ANO10: variants seen among roughly 807,000 people sequenced by gnomAD.
ANO10 encodes the protein anoctamin 10.
ANO10 carries 77 observed loss-of-function variants against 74.7 expected under a neutral mutation model. The ratio of observed to expected loss-of-function variants is 1.03; its 90% CI spans 0.86 to 1.25. The LOEUF (loss-of-function observed/expected upper bound fraction) is 1.25, where lower values mean the gene tolerates loss of function less well. Ranked by LOEUF, ANO10 falls within the 50% of genes most tolerant of loss-of-function variation. The pLI is 0.00. For missense variants in ANO10, 721 were observed against 778.1 expected (o/e 0.93, Z 0.87); for synonymous variants, 279 against 284.9 (o/e 0.98, Z 0.21).
At chr3:43,466,981 C>T (rs2075653678) in intron 11 of ANO10, among the ~76,000 whole-genome samples, 1 of 152,076 alleles carries the variant, frequency 6.6e-6, no homozygotes, top group Admixed American at 6.5e-5. Flanking sequence ...TGCTAATAAA[C>T]ACATGAAGAG....
chr3:43,588,317 A>C (rs892522788), intron 4 of ANO10, among the ~76,000 whole-genome samples: 1 of 152,136 alleles, frequency 6.6e-6, no homozygotes, highest in African/African-American at 2.4e-5. Flanking sequence ...GAAATTAAGT[A>C]ATAGCCTATA....
At chr3:43,531,569 C>A (rs545418156) in intron 11 of ANO10, among the ~76,000 whole-genome samples, 1 of 152,194 alleles carries the variant, frequency 6.6e-6, no homozygotes, top group East Asian at 1.9e-4. Flanking sequence ...AATGTGTGAT[C>A]TGACGATTTG....
At chr3:43,538,097 T>C (rs1251630065) in intron 11 of ANO10, among the ~76,000 whole-genome samples, 1 of 152,204 alleles carries the variant, frequency 6.6e-6, no homozygotes, top group Non-Finnish European at 1.5e-5. Flanking sequence ...ATGTCTATGA[T>C]ACTAAAAAAT....
chr3:43,452,855 C>T (rs1445999169), intron 11 of ANO10, among the ~76,000 whole-genome samples: 2 of 152,116 alleles, frequency 1.3e-5, no homozygotes, highest in East Asian at 1.9e-4. Context: ...TTATTATTTG[C>T]CTTTTTGTTT....
At chr3:43,588,825 T>C (rs1351336117) in intron 4 of ANO10, among the ~76,000 whole-genome samples, 1 of 152,170 alleles carries the variant, frequency 6.6e-6, no homozygotes, top group Admixed American at 6.5e-5. Context: ...CCAAGATCTT[T>C]ATGCAGCCAA....
intron 7 of ANO10, among the ~76,000 whole-genome samples, chr3:43,570,271 C>T (rs1394843970): frequency 1.4e-5 from 2 of 146,844 alleles, no homozygotes; most frequent in Non-Finnish European, 3.0e-5. Flanking sequence ...AGGTAATTTA[C>T]AGATTCAATG....
chr3:43,420,410 G>C (rs1421883899), intron 12 of ANO10, among the ~76,000 whole-genome samples: 1 of 152,034 alleles, frequency 6.6e-6, no homozygotes, highest in Non-Finnish European at 1.5e-5. Context: ...CTGTGAACAT[G>C]CTACTGTACT....
intron 1 of ANO10, among the ~76,000 whole-genome samples, chr3:43,677,436 G>C (rs1284931966): frequency 6.6e-6 from 1 of 152,182 alleles, no homozygotes. Flanking sequence ...TTTAGTAGAT[G>C]AAATAGTGGC....
chr3:43,550,990 C>T (rs1209508719), intron 10 of ANO10, among the ~76,000 whole-genome samples: 1 of 152,184 alleles, frequency 6.6e-6, no homozygotes, highest in Non-Finnish European at 1.5e-5. Context: ...TGTCAGGCCC[C>T]TTGCTTTAGT....
chr3:43,530,198 G>A (rs1386559676), intron 11 of ANO10, among the ~76,000 whole-genome samples: 2 of 151,990 alleles, frequency 1.3e-5, no homozygotes, highest in Non-Finnish European at 2.9e-5. Flanking sequence ...AAATGAAAAT[G>A]TAGCAGTTAT....
At chr3:43,635,892 T>C (rs758250142) in intron 1 of ANO10, among the ~76,000 whole-genome samples, 2 of 152,128 alleles carry the variant, frequency 1.3e-5, no homozygotes, top group Non-Finnish European at 2.9e-5. Flanking sequence ...AGTGCTGGGA[T>C]TACAGGCGTA....
At chr3:43,673,790 A>C (rs923285332) in intron 1 of ANO10, among the ~76,000 whole-genome samples, 2 of 152,092 alleles carry the variant, frequency 1.3e-5, no homozygotes, top group Non-Finnish European at 2.9e-5. Flanking sequence ...AATCATCGCG[A>C]CTTTAAATTT....
intron 4 of ANO10, among the ~76,000 whole-genome samples, chr3:43,591,635 G>A (rs990538377): frequency 1.2e-4 from 19 of 152,288 alleles, no homozygotes; most frequent in African/African-American, 3.4e-4. Context: ...CAAGATGGCC[G>A]AATAGGAAAA....
At chr3:43,594,674 T>C (rs7642287) in intron 4 of ANO10, among the ~76,000 whole-genome samples, 13,987 of 152,106 alleles carry the variant, frequency 0.092, 1,003 homozygotes, top group African/African-American at 0.2. Context: ...AGATCTAAAA[T>C]TGACACCCTA....
At chr3:43,645,197 C>T (rs1229496313) in intron 1 of ANO10, among the ~76,000 whole-genome samples, 3 of 152,116 alleles carry the variant, frequency 2.0e-5, no homozygotes, top group African/African-American at 4.8e-5. Context: ...TTGTGGTTGG[C>T]TTCAGAAAGC....
intron 4 of ANO10, among the ~76,000 whole-genome samples, chr3:43,595,670 A>G (rs1240495086): frequency 6.6e-6 from 1 of 152,204 alleles, no homozygotes; most frequent in Non-Finnish European, 1.5e-5. Context: ...GAATGGGCAA[A>G]AACTGTAAGT....
intron 4 of ANO10, among the ~76,000 whole-genome samples, chr3:43,594,468 T>C (rs1179236350): frequency 1.3e-5 from 2 of 152,128 alleles, no homozygotes; most frequent in African/African-American, 4.8e-5. Context: ...CACTCAGAAC[T>C]GCTCAGCTAC....
At chr3:43,612,598 T>C (rs2082883725) in intron 1 of ANO10, among the ~76,000 whole-genome samples, 1 of 152,188 alleles carries the variant, frequency 6.6e-6, no homozygotes, top group Non-Finnish European at 1.5e-5. Flanking sequence ...CAGGGCAATT[T>C]TCAGACTTTG....
chr3:43,638,342 G>C (rs1314756950), intron 1 of ANO10, among the ~76,000 whole-genome samples: 2 of 152,102 alleles, frequency 1.3e-5, no homozygotes, highest in African/African-American at 4.8e-5. Context: ...TTTTTGAGAT[G>C]TTTTTATGGT....
Sources: allele counts gnomAD v4.1 joint callset (sites outside exome capture counted in the v4.1 genomes callset), GRCh38; gene constraint gnomAD v4.1.1; transcripts MANE v1.5; gene names NCBI Gene and HGNC (gene_info 2026-07-23, HGNC 2026-07-21).